The following ZNF230 variants were observed in gnomAD, a reference collection of about 807,000 sequenced individuals.
ZNF230 encodes the protein zinc finger protein FDZF2.
A neutral mutation model predicts 10.0 loss-of-function variants in ZNF230; 12 were observed. The observed-to-expected ratio is 1.20, with a 90% CI of 0.77 to 1.95. The LOEUF (loss-of-function observed/expected upper bound fraction) is 1.95, where lower values mean the gene tolerates loss of function less well. Ranked by LOEUF, ZNF230 falls within the 30% of genes most tolerant of loss-of-function variation. The probability of loss-of-function intolerance (pLI) is 0.00; values close to 1 mark genes in which losing one functional copy is unlikely to be tolerated. For missense variants in ZNF230, 532 were observed against 565.8 expected (o/e 0.94, Z 0.61); for synonymous variants, 174 against 193.6 (o/e 0.90, Z 0.84).
At chr19:44,007,147 G>A in intron 2 of ZNF230, 54 bp downstream of exon 2, 1 of 1,569,960 alleles carries the variant, frequency 6.4e-7, no homozygotes, top group Non-Finnish European at 8.7e-7. Context: ...TGCTCATATT[G>A]TCATATATTT....
chr19:44,006,006 A>T (rs1017245278), intron 1 of ZNF230, among the ~76,000 whole-genome samples: 4 of 151,726 alleles, frequency 2.6e-5, no homozygotes, highest in Middle Eastern at 3.4e-3. Context: ...CAGTTTCTTT[A>T]GTCTAGAAAG....
Position 44,008,741 on chromosome 19 carries a change from C to G in ZNF230, c.16-49C>G, listed in dbSNP as rs890340693. ...CGCCTGCTCAATGCTGCTCCTCCCC[C>G]AGTAGTCCATGGTCATAGGATTGAG... On this transcript the variant is annotated intron_variant, in intron 2 of 4. Transcript: ENST00000429154. 13 of 1,599,332 alleles carry G rather than the reference C, an allele frequency of 8.1e-6. No individual in the cohort carries two copies. The East Asian group carries it at 2.9e-4, about 36-fold the overall frequency.
rs1976169723 is a variant in ZNF230 at position 44,010,627 on chromosome 19, T to G, written c.588T>G (p.Ser196=). ...HQRVHLREKL[S]KCDMRGKEFS... ...GAGTTCACTTGAGAGAGAAACTCTC[T>G]AAGTGTGACATGCGTGGTAAGGAAT... The change falls in exon 5 of 5, where the codon TCT becomes TCG. Residue 196 remains serine (S), a synonymous_variant. Coordinates refer to ENST00000429154, the MANE Select transcript of ZNF230 (RefSeq NM_006300.4). 5.0e-6 allele frequency: 8 copies of G among 1,614,246 alleles called. No homozygotes were observed. Among genetic ancestry groups the G allele is most frequent in the Non-Finnish European group, 6.8e-6 (8 of 1,180,036 alleles).
chr19:44,003,429 C>G (rs1976088571), intron 1 of ZNF230: 1 of 152,140 alleles, frequency 6.6e-6, no homozygotes, highest in Non-Finnish European at 1.5e-5. Context: ...TTAAAGCAGT[C>G]CCTGTCACTT....
chr19:44,008,958 G>C, intron 3 of ZNF230, 42 bp downstream of exon 3: 1 of 1,609,646 alleles, frequency 6.2e-7, no homozygotes. Context: ...CAGGCCTCAG[G>C]AGTGGCTTTG....
At position 44,008,899 on chromosome 19, in the gene ZNF230, C is replaced by G; in HGVS notation, c.125C>G (p.Thr42Arg). 2 of 1,613,992 alleles carry G rather than the reference C, an allele frequency of 1.2e-6. No homozygotes were observed. The highest frequency in any genetic ancestry group is 1.7e-6 in the Non-Finnish European group (2 of 1,179,916). The part of the protein sequence containing the change: ...LYQDVMLENF[T>R]NLLSVGHQPF... ...CAAGACGTGATGCTTGAGAACTTCA[C>G]GAACCTGCTGTCAGTGGGTGAGCAC... is the stretch of plus-strand genomic sequence containing the variant. The change falls in exon 3 of 5, where the codon ACG becomes AGG. Residue 42 changes from threonine (T) to arginine (R), a missense_variant. Physicochemically the swap from Thr to Arg is moderately conservative, Grantham distance 71. Transcript: ENST00000429154.
chr19:44,009,438 G>A (rs768715657), intron 4 of ZNF230: 1 of 537,734 alleles, frequency 1.9e-6, no homozygotes, highest in Non-Finnish European at 3.3e-6. Context: ...TGTTATTAAA[G>A]TTACAACCTC....
intron 1 of ZNF230, among the ~76,000 whole-genome samples, chr19:44,004,992 AG>A (rs1450669300): frequency 2.6e-5 from 4 of 151,300 alleles, no homozygotes; most frequent in African/African-American, 9.7e-5. Flanking sequence ...GCATGGTGGC[AG>A]GCAGTTGTGG....
rs140976645 is a variant in ZNF230 at position 44,010,416 on chromosome 19, T to C, written c.377T>C (p.Val126Ala). The C allele has an allele frequency of 7.2e-5, 117 of 1,614,250 alleles. No individual in the cohort carries two copies. In the East Asian group the frequency reaches 2.3e-3, roughly 31 times the overall value. The part of the protein sequence containing the change: ...FFEQGDVPSQ[V>A]EAGLSIIHTG... ...GAACAAGGTGATGTCCCCTCCCAGG[T>C]TGAGGCAGGACTATCTATAATTCAT... The change falls in exon 5 of 5, where the codon GTT (valine) becomes GCT (alanine). Residue 126 changes from valine to alanine, a missense_variant. Physicochemically the swap from Val to Ala is moderately conservative, Grantham distance 64 (BLOSUM62 0). Coordinates refer to ENST00000429154, the MANE Select transcript of ZNF230 (RefSeq NM_006300.4).
At chr19:44,009,435 A>G (rs1976153307) in intron 4 of ZNF230, 1 of 544,036 alleles carries the variant, frequency 1.8e-6, no homozygotes, top group Non-Finnish European at 3.3e-6. Flanking sequence ...TAATGTTATT[A>G]AAGTTACAAC....
intron 1 of ZNF230, 74 bp from the exon 2 acceptor site, chr19:44,006,937 C>T (rs911398548): frequency 1.5e-6 from 1 of 671,900 alleles, no homozygotes; most frequent in African/African-American, 1.8e-5. Flanking sequence ...ATTCATAATA[C>T]ATGTGCTTGT....
intron 2 of ZNF230, among the ~76,000 whole-genome samples, chr19:44,008,133 G>A (rs987322733): frequency 2.8e-4 from 42 of 152,156 alleles, no homozygotes; most frequent in African/African-American, 9.9e-4. Flanking sequence ...GAGGCAGCCT[G>A]TCCCAGGCTA....
chr19:44,004,953 T>TA (rs879509588), intron 1 of ZNF230, among the ~76,000 whole-genome samples: 95 of 142,608 alleles, frequency 6.7e-4, no homozygotes, highest in Middle Eastern at 3.6e-3. Flanking sequence ...CCATCTCTAC[T>TA]AAAAAAAAAA....
rs144108898 is a variant in ZNF230, at chr19:44,008,839, T to A, written c.65T>A (p.Leu22Gln). 31 of 1,614,010 alleles carry A rather than the reference T, an allele frequency of 1.9e-5. No individual in the cohort carries two copies. Among genetic ancestry groups the A allele is most frequent in the Non-Finnish European group, 2.5e-5 (29 of 1,179,998 alleles). ...GCTGTGTTCTTCACTGAGGAGGAAC[T>A]GGGGCTACTGGACCCTGCCCAGAGG... The part of the protein sequence containing the change: ...DVAVFFTEEE[L>Q]GLLDPAQRKL... Residue 22 changes from leucine to glutamine, a missense_variant, in exon 3 of 5, where the codon CTG becomes CAG. By Grantham distance (113) the Leu-to-Gln change is moderately radical. Coordinates refer to ENST00000429154, the MANE Select transcript of ZNF230 (RefSeq NM_006300.4).
intron 1 of ZNF230, among the ~76,000 whole-genome samples, chr19:44,005,521 G>C (rs1043194078): frequency 6.6e-6 from 1 of 152,178 alleles, no homozygotes; most frequent in Non-Finnish European, 1.5e-5. Flanking sequence ...TCATTAGATA[G>C]TGTTGAATAG....
chr19:44,005,112 ACT>A (rs1442054962), intron 1 of ZNF230, among the ~76,000 whole-genome samples: 1 of 137,544 alleles, frequency 7.3e-6, no homozygotes, highest in Non-Finnish European at 1.6e-5. Context: ...AGGGAGCGAG[ACT>A]CTGTCTCAAA....
At chr19:44,006,807 T>G (rs1257956400) in intron 1 of ZNF230, 3 of 320,180 alleles carry the variant, frequency 9.4e-6, no homozygotes, top group Non-Finnish European at 1.7e-5. Context: ...TCATTCCTTT[T>G]AATTTCCAAA....
At chr19:44,008,976 G>C in intron 3 of ZNF230, 60 bp downstream of exon 3, 1 of 1,605,436 alleles carries the variant, frequency 6.2e-7, no homozygotes, top group Non-Finnish European at 8.5e-7. Flanking sequence ...TTGTATCCTA[G>C]AGTATTCAAG....
At chr19:44,007,909 G>T (rs750318975) in intron 2 of ZNF230, among the ~76,000 whole-genome samples, 2 of 152,216 alleles carry the variant, frequency 1.3e-5, no homozygotes, top group Admixed American at 1.3e-4. Context: ...CATGGAACAG[G>T]TTCACTAGTT....
Sources: gnomAD v4.1 joint callset for allele counts (sites outside exome capture counted in the v4.1 genomes callset) on GRCh38, gnomAD v4.1.1 for gene constraint, MANE v1.5 for transcripts, NCBI Gene and HGNC (gene_info 2026-07-23, HGNC 2026-07-21) for gene names.